Variants in CHD1L observed in about 807,000 individuals in gnomAD.
CHD1L encodes the protein ATP-dependent chromatin remodeler CHD1L.
CHD1L carries 118 observed loss-of-function variants against 115.9 expected under a neutral mutation model. The observed-to-expected ratio is 1.02, with a 90% confidence interval of 0.88 to 1.19. The LOEUF (loss-of-function observed/expected upper bound fraction) is 1.19, where lower values mean the gene tolerates loss of function less well. CHD1L is among the 50% of genes most tolerant of loss of function. CHD1L has a pLI of 0.00. For missense variants in CHD1L, 1,179 were observed against 1,065.3 expected (o/e 1.11, Z -1.49); for synonymous variants, 411 against 387.1 (o/e 1.06, Z -0.72).
chr1:147,264,569 A>G lies in CHD1L; in HGVS notation c.724A>G (p.Lys242Glu). ...DFIQRYQDIEKESESASELHK... is the reference protein window; with the variant it reads ...DFIQRYQDIEEESESASELHK... ...TATTCAACGCTACCAGGATATTGAG[A>G]AAGAATCTGAGTCAGGCAAGTTCCT... Residue 242 changes from lysine to glutamate, a missense_variant, in exon 7 of 23, where the codon AAA (lysine) becomes GAA (glutamate). Transcript: ENST00000369258. 6.2e-7 allele frequency: 1 copy of G among 1,613,262 alleles called. No individual in the cohort carries two copies. The highest frequency in any genetic ancestry group is 8.5e-7 in the Non-Finnish European group (1 of 1,179,672).
the CHD1L span, chr1:147,179,176 G>A: frequency 1.7e-5 from 28 of 1,613,962 alleles, no homozygotes; most frequent in Non-Finnish European, 2.4e-5. Flanking sequence ...GTTCCTGCAG[G>A]ATTACTTTGA....
the CHD1L span, among the ~76,000 whole-genome samples, chr1:147,196,012 C>T: frequency 1.3e-5 from 2 of 152,108 alleles, no homozygotes; most frequent in Non-Finnish European, 2.9e-5. Context: ...TTTCTGGAGC[C>T]ACAGAGTTTA....
chr1:147,178,897 A>G, the CHD1L span: 413 of 1,571,040 alleles, frequency 2.6e-4, 3 homozygotes, highest in East Asian at 8.4e-3. Context: ...GGACTTACTT[A>G]TTGCTTACTA....
chr1:147,286,505 G>A lies in CHD1L; in HGVS notation c.2221+5G>A, dbSNP rs931270962. 2.5e-5 allele frequency: 40 copies of A among 1,612,816 alleles called. No homozygotes were observed. The highest frequency in any genetic ancestry group is 3.1e-5 in the Non-Finnish European group (37 of 1,179,800). ...CTCTCATTGTGCACTGCGTAGGTAC[G>A]AGAAGTGGTATGGGCTGGGGATGGG... On this transcript the variant is annotated splice_donor_5th_base_variant and intron_variant, in intron 18 of 22. Coordinates refer to ENST00000369258, the MANE Select transcript of CHD1L (RefSeq NM_004284.6).
At chr1:147,198,198 T>C in the CHD1L span, among the ~76,000 whole-genome samples, 1 of 152,176 alleles carries the variant, frequency 6.6e-6, no homozygotes, top group South Asian at 2.1e-4. Context: ...GATCCTCAAA[T>C]AAGAAGTTTC....
At chr1:147,203,930 C>T in the CHD1L span, 1 of 1,444,284 alleles carries the variant, frequency 6.9e-7, no homozygotes, top group Non-Finnish European at 9.7e-7. Flanking sequence ...AGGTGTCAAT[C>T]TAGGAAGAGC....
rs1026015295 is a variant in CHD1L at position 147,294,418 on chromosome 1, A to G, written c.2516A>G (p.His839Arg). 1.2e-6 allele frequency: 2 copies of G among 1,610,256 alleles called. No homozygotes were observed. The highest frequency in any genetic ancestry group is 1.7e-5 in the Admixed American group (1 of 59,250). Reference sequence around the variant, plus strand: ...CTTCTCTTCATAATAGCAAGTGTTCATCTTCCACGTATTGGACATGCCACG... The same window carrying G: ...CTTCTCTTCATAATAGCAAGTGTTCGTCTTCCACGTATTGGACATGCCACG... ...LAAKKKKASV[H>R]LPRIGHATKG... The change falls in exon 22 of 23, where the codon CAT (histidine) becomes CGT (arginine). Residue 839 changes from histidine to arginine, a missense_variant. Physicochemically the swap from His to Arg is conservative, Grantham distance 29 (BLOSUM62 0). Coordinates refer to ENST00000369258, the MANE Select transcript of CHD1L (RefSeq NM_004284.6).
chr1:147,194,732 G>C, the CHD1L span, among the ~76,000 whole-genome samples: 1 of 151,858 alleles, frequency 6.6e-6, no homozygotes, highest in Admixed American at 6.6e-5. Context: ...GCATTTGCTT[G>C]TCTGTAAAGT....
chr1:147,259,831 T>C lies in CHD1L; in HGVS notation c.495-6T>C, dbSNP rs587635116. The C allele has an allele frequency of 1.4e-4, 233 of 1,609,746 alleles. No homozygotes were observed. The African/African-American group carries it at 2.6e-3, about 18-fold the overall frequency. ...CAAAACTGAAAGCTTGGGTTTTCTC[T>C]CACAGATTCCCTTGGAGTGTTCTTG... On this transcript the variant is annotated splice_polypyrimidine_tract_variant and splice_region_variant and intron_variant, in intron 5 of 22. Coordinates refer to ENST00000369258, the MANE Select transcript of CHD1L (RefSeq NM_004284.6).
At chr1:147,185,547 C>T in the CHD1L span, among the ~76,000 whole-genome samples, 2 of 152,160 alleles carry the variant, frequency 1.3e-5, no homozygotes, top group East Asian at 1.9e-4. Context: ...GTGAAAGGGC[C>T]GGCAATTGTT....
chr1:147,266,055 A>T lies in CHD1L; in HGVS notation c.863A>T (p.Lys288Ile), dbSNP rs1185594393. Residue 288 changes from lysine to isoleucine, a missense_variant, in exon 8 of 23, where the codon AAA (lysine) becomes ATA (isoleucine). By Grantham distance (102) the Lys-to-Ile change is moderately radical. Coordinates refer to ENST00000369258, the MANE Select transcript of CHD1L (RefSeq NM_004284.6). ...IYHGMSALQKKYYKAILMKDL... is the reference protein window; with the variant it reads ...IYHGMSALQKIYYKAILMKDL... ...CATGGCATGTCAGCATTGCAGAAGA[A>T]ATACTACAAGGCCATTTTGATGAAA... 6.2e-7 allele frequency: 1 copy of T among 1,613,538 alleles called. No homozygotes were observed. The highest frequency in any genetic ancestry group is 8.5e-7 in the Non-Finnish European group (1 of 1,179,692).
At chr1:147,263,830 C>A (rs1672871361) in intron 6 of CHD1L, among the ~76,000 whole-genome samples, 1 of 151,976 alleles carries the variant, frequency 6.6e-6, no homozygotes, top group African/African-American at 2.4e-5. Context: ...TCTTGGTGTT[C>A]TTCTTTGTTG....
the CHD1L span, among the ~76,000 whole-genome samples, chr1:147,224,535 A>T: frequency 2.6e-5 from 4 of 151,964 alleles, no homozygotes; most frequent in African/African-American, 9.7e-5. Context: ...CTTGAGACGG[A>T]GTCTTGCTCT....
intron 19 of CHD1L, among the ~76,000 whole-genome samples, chr1:147,288,667 CA>C (rs1290772438): frequency 6.6e-6 from 1 of 152,088 alleles, no homozygotes; most frequent in Non-Finnish European, 1.5e-5. Flanking sequence ...GGTGACTGAG[CA>C]AGACTGTCTC....
chr1:147,262,975 A>G (rs1672497868), intron 6 of CHD1L, among the ~76,000 whole-genome samples: 1 of 152,148 alleles, frequency 6.6e-6, no homozygotes, highest in Admixed American at 6.5e-5. Flanking sequence ...ATATGCATAT[A>G]TATTATTTAA....
the CHD1L span, among the ~76,000 whole-genome samples, chr1:147,227,950 C>G: frequency 6.6e-6 from 1 of 151,812 alleles, no homozygotes; most frequent in Admixed American, 6.6e-5. Flanking sequence ...CTCACTCTGT[C>G]GCCCAGGCTG....
chr1:147,276,237 G>A lies in CHD1L; in HGVS notation c.1519G>A (p.Ala507Thr), dbSNP rs367859293. ...TTTTACTCTGGGAGCCCAGAAACCC[G>A]CTGCCGATGCTGACCTCCAGGTATG... ...GHFTLGAQKPAADADLQLSEI... is the reference protein window; with the variant it reads ...GHFTLGAQKPTADADLQLSEI... Residue 507 changes from alanine (A) to threonine (T), a missense_variant, in exon 14 of 23, where the codon GCT becomes ACT. By Grantham distance (58) the Ala-to-Thr change is moderately conservative (BLOSUM62 0). Coordinates refer to ENST00000369258, the MANE Select transcript of CHD1L (RefSeq NM_004284.6). The A allele has an allele frequency of 2.0e-5, 32 of 1,613,948 alleles. No homozygotes were observed. The highest frequency in any genetic ancestry group is 1.6e-4 in the Middle Eastern group (1 of 6,084).
intron 1 of CHD1L, among the ~76,000 whole-genome samples, chr1:147,245,050 T>C (rs587649226): frequency 1.3e-4 from 20 of 152,354 alleles, no homozygotes; most frequent in African/African-American, 4.8e-4. Flanking sequence ...CTTTGGATCA[T>C]GAAGTTACCT....
At chr1:147,280,386 C>T (rs1420521297) in intron 15 of CHD1L, among the ~76,000 whole-genome samples, 195 bp downstream of exon 15, 1 of 152,126 alleles carries the variant, frequency 6.6e-6, no homozygotes, top group African/African-American at 2.4e-5. Flanking sequence ...TGTGGCTCTT[C>T]CCTTGTAGCT....
Sources: gnomAD v4.1 joint callset for allele counts (sites outside exome capture counted in the v4.1 genomes callset) on GRCh38, gnomAD v4.1.1 for gene constraint, MANE v1.5 for transcripts, NCBI Gene and HGNC (gene_info 2026-07-23, HGNC 2026-07-21) for gene names.